Variants in SORCS2 observed in about 807,000 individuals in gnomAD.
SORCS2 encodes the protein VPS10 domain-containing receptor SorCS2.
A neutral mutation model predicts 141.6 loss-of-function variants in SORCS2; 100 were observed. The observed-to-expected ratio is 0.71, with a 90% CI of 0.60 to 0.83. The LOEUF (loss-of-function observed/expected upper bound fraction) is 0.83, where lower values mean the gene tolerates loss of function less well. Among genes scored for constraint, SORCS2 ranks in the 40% least tolerant of loss-of-function variants. SORCS2 has a pLI of 0.00. For synonymous variants in SORCS2, 789 were observed against 676.9 expected, an observed-to-expected ratio of 1.17 and a Z score of -2.57; for missense variants, 1,646 against 1,560.2, an observed-to-expected ratio of 1.05 and a Z score of -0.93.
intron 2 of SORCS2, among the ~76,000 whole-genome samples, chr4:7,525,142 A>G (rs1344842917): frequency 6.6e-6 from 1 of 152,224 alleles, no homozygotes; most frequent in Non-Finnish European, 1.5e-5. Flanking sequence ...TGAGAAGCAG[A>G]TGCTCAGAGG....
At chr4:7,343,124 G>A (rs576963943) in intron 1 of SORCS2, among the ~76,000 whole-genome samples, 8 of 152,362 alleles carry the variant, frequency 5.3e-5, no homozygotes, top group African/African-American at 1.9e-4. Context: ...GGCAACAGGA[G>A]CATTAGGAGG....
chr4:7,537,786 C>CG (rs367766689), intron 3 of SORCS2, among the ~76,000 whole-genome samples: 37 of 152,218 alleles, frequency 2.4e-4, no homozygotes, highest in African/African-American at 8.4e-4. Context: ...GCTGGAGCAT[C>CG]GCTTGAGCCC....
At chr4:7,228,128 G>A (rs1172880388) in intron 1 of SORCS2, among the ~76,000 whole-genome samples, 2 of 152,196 alleles carry the variant, frequency 1.3e-5, no homozygotes, top group Admixed American at 1.3e-4. Context: ...GCTAAGACAA[G>A]ATGTAGGCAG....
chr4:7,355,111 T>C (rs1320691275), intron 1 of SORCS2, among the ~76,000 whole-genome samples: 1 of 152,180 alleles, frequency 6.6e-6, no homozygotes, highest in African/African-American at 2.4e-5. Context: ...GTTTGCATAA[T>C]TCTGGATTTG....
chr4:7,638,741 C>T (rs1720438334), intron 4 of SORCS2, among the ~76,000 whole-genome samples: 1 of 152,200 alleles, frequency 6.6e-6, no homozygotes, highest in Admixed American at 6.5e-5. Flanking sequence ...GTGCACCAGG[C>T]TCAGAGGCTC....
chr4:7,543,631 CCCATCCGT>C (rs569399992), intron 3 of SORCS2, among the ~76,000 whole-genome samples: 3,026 of 113,686 alleles, frequency 0.027, 93 homozygotes, highest in Non-Finnish European at 0.039. Flanking sequence ...CATCCATCCA[CCCATCCGT>C]CCATCCGTCC....
At chr4:7,272,934 C>G in intron 1 of SORCS2, among the ~76,000 whole-genome samples, 1 of 152,364 alleles carries the variant, frequency 6.6e-6, no homozygotes, top group South Asian at 2.1e-4. Context: ...CCCCTGAGGG[C>G]TGGTGTGTCC....
chr4:7,588,889 G>A (rs1231892512), intron 3 of SORCS2, among the ~76,000 whole-genome samples: 1 of 152,236 alleles, frequency 6.6e-6, no homozygotes, highest in Non-Finnish European at 1.5e-5. Context: ...TAAGCACAGA[G>A]CAGGTGGCTC....
At chr4:7,238,058 T>C (rs1321557289) in intron 1 of SORCS2, among the ~76,000 whole-genome samples, 2 of 152,104 alleles carry the variant, frequency 1.3e-5, no homozygotes, top group African/African-American at 4.8e-5. Context: ...TCGGAAACAA[T>C]GTTCTTTCCG....
intron 8 of SORCS2, among the ~76,000 whole-genome samples, chr4:7,674,980 G>A (rs1401116540): frequency 6.6e-6 from 1 of 152,144 alleles, no homozygotes; most frequent in South Asian, 2.1e-4. Flanking sequence ...CCTTGGCACT[G>A]TGTTCTCAGA....
intron 3 of SORCS2, among the ~76,000 whole-genome samples, chr4:7,573,465 A>G (rs1483602862): frequency 2.6e-5 from 4 of 152,232 alleles, no homozygotes; most frequent in African/African-American, 9.6e-5. Flanking sequence ...AAATAGAGGC[A>G]TAAATAGAGT....
rs553293248 is a variant in SORCS2, at chr4:7,348,887, G to A, written c.481-47401G>A. On this transcript the variant is annotated intron_variant, in intron 1 of 26. Coordinates refer to ENST00000507866, the MANE Select transcript of SORCS2 (RefSeq NM_020777.3). ...GTTTTTAATGGCTGTGTTTTCTACTGTTTTGCTGTCGGAAAGCGACCCATC... is the reference window on the plus strand; with the variant it reads ...GTTTTTAATGGCTGTGTTTTCTACTATTTTGCTGTCGGAAAGCGACCCATC... 2.6e-5 allele frequency among the ~76,000 whole-genome samples: 4 copies of A among 152,306 alleles called. No individual in the cohort carries two copies. In the East Asian group the frequency reaches 7.7e-4, roughly 29 times the overall value.
At chr4:7,304,099 C>T (rs2336110) in intron 1 of SORCS2, among the ~76,000 whole-genome samples, 35,673 of 152,182 alleles carry the variant, frequency 0.23, 4,782 homozygotes, top group Admixed American at 0.36. Context: ...TACTTGTTGA[C>T]GCCTATATGT....
chr4:7,214,580 C>T (rs575716723), intron 1 of SORCS2, among the ~76,000 whole-genome samples: 7 of 152,356 alleles, frequency 4.6e-5, no homozygotes, highest in South Asian at 2.1e-4. Context: ...GCACTGACTG[C>T]GTGCAGGAAG....
chr4:7,579,092 C>A (rs1715968197), intron 3 of SORCS2, among the ~76,000 whole-genome samples: 1 of 152,150 alleles, frequency 6.6e-6, no homozygotes, highest in Non-Finnish European at 1.5e-5. Context: ...CTCTCTCTAG[C>A]TACCCCCAAC....
chr4:7,371,893 C>A (rs151123880), intron 1 of SORCS2, among the ~76,000 whole-genome samples: 2 of 152,192 alleles, frequency 1.3e-5, no homozygotes, highest in Non-Finnish European at 2.9e-5. Flanking sequence ...ATAAAGAGGA[C>A]GCCTGCATGC....
intron 1 of SORCS2, among the ~76,000 whole-genome samples, chr4:7,395,420 A>C (rs1432378691): frequency 6.6e-6 from 1 of 152,202 alleles, no homozygotes; most frequent in East Asian, 1.9e-4. Flanking sequence ...GGAACAGCTA[A>C]CAGGGACTGG....
At chr4:7,367,167 G>T (rs1245159237) in intron 1 of SORCS2, among the ~76,000 whole-genome samples, 1 of 152,212 alleles carries the variant, frequency 6.6e-6, no homozygotes, top group African/African-American at 2.4e-5. Context: ...GAAGTATAGG[G>T]TCTGTGGCAA....
At chr4:7,229,793 C>G (rs543137921) in intron 1 of SORCS2, among the ~76,000 whole-genome samples, 1 of 151,770 alleles carries the variant, frequency 6.6e-6, no homozygotes, top group Non-Finnish European at 1.5e-5. Context: ...ATGGTCCAGT[C>G]TTCCAGTGTC....
Sources: allele counts gnomAD v4.1 joint callset (sites outside exome capture counted in the v4.1 genomes callset), GRCh38; gene constraint gnomAD v4.1.1; transcripts MANE v1.5; gene names NCBI Gene and HGNC (gene_info 2026-07-23, HGNC 2026-07-21).